The following PCDH7 variants were observed in gnomAD, a reference collection of about 807,000 sequenced individuals.
PCDH7 encodes the protein protocadherin 7.
Under a neutral mutation model 58.9 loss-of-function variants are expected in PCDH7, and 17 were observed. The ratio of observed to expected loss-of-function variants is 0.29; its 90% CI spans 0.20 to 0.43. The LOEUF is 0.43. Ranked by LOEUF, PCDH7 falls within the 20% of genes least tolerant of loss-of-function variation. The probability of loss-of-function intolerance (pLI) is 1.00; values close to 1 mark genes in which losing one functional copy is unlikely to be tolerated. For synonymous variants in PCDH7, 664 were observed against 616.4 expected (o/e 1.08, Z -1.14); for missense variants, 1,274 against 1,441.0 (o/e 0.88, Z 1.88).
intron 1 of PCDH7, among the ~76,000 whole-genome samples, chr4:30,852,169 C>T (rs1483944121): frequency 6.6e-6 from 1 of 151,872 alleles, no homozygotes; most frequent in Non-Finnish European, 1.5e-5. Context: ...TGTTTTTGTA[C>T]CATTTTAATG....
At chr4:31,027,249 A>G (rs949470143) in intron 3 of PCDH7, among the ~76,000 whole-genome samples, 7 of 152,056 alleles carry the variant, frequency 4.6e-5, no homozygotes, top group Non-Finnish European at 7.4e-5. Context: ...CTCATCACAA[A>G]TAGGCATTAT....
chr4:30,767,325 T>C (rs1419574965), intron 1 of PCDH7, among the ~76,000 whole-genome samples: 1 of 152,188 alleles, frequency 6.6e-6, no homozygotes, highest in Non-Finnish European at 1.5e-5. Flanking sequence ...TATGATCTAA[T>C]CGGAACTCAA....
intron 1 of PCDH7, among the ~76,000 whole-genome samples, chr4:30,764,651 T>G (rs1469161583): frequency 6.6e-6 from 1 of 152,190 alleles, no homozygotes. Flanking sequence ...GTATATGAGA[T>G]GAAGACCTAA....
Position 30,863,420 on chromosome 4 carries a change from C to G in PCDH7, c.71-56733C>G, listed in dbSNP as rs555650617. Among the ~76,000 whole-genome samples, 15 of 152,062 alleles carry G rather than the reference C, an allele frequency of 9.9e-5. No individual in the cohort carries two copies. The South Asian group carries it at 2.1e-3, about 21-fold the overall frequency. On this transcript the variant is annotated intron_variant, in intron 1 of 3. Transcript: ENST00000509759. Reference sequence around the variant, plus strand: ...TAGTGGGTGGAGGGTATGGATTCTGCTAAGCATTCTACAACACAGAAGCTA... The same window carrying G: ...TAGTGGGTGGAGGGTATGGATTCTGGTAAGCATTCTACAACACAGAAGCTA...
rs560019897 is a variant in PCDH7, at chr4:30,800,408, A to G, written c.70+75812A>G. ...TATTTATTTGAAAATGTATTTTTTC[A>G]ATTTGAAGTATCACCAGAGAGCTAT... On this transcript the variant is annotated intron_variant, in intron 1 of 3. Coordinates refer to the PCDH7 transcript ENST00000509759. Among the ~76,000 whole-genome samples the G allele has an allele frequency of 1.9e-3, 293 of 152,136 alleles. 1 individual carries two copies. The highest frequency in any genetic ancestry group is 6.8e-3 in the African/African-American group (281 of 41,496).
At chr4:30,795,764 A>G (rs1479059606) in intron 1 of PCDH7, among the ~76,000 whole-genome samples, 1 of 152,210 alleles carries the variant, frequency 6.6e-6, no homozygotes, top group Non-Finnish European at 1.5e-5. Flanking sequence ...CAAGACTTTG[A>G]AAAGTATGTT....
intron 3 of PCDH7, among the ~76,000 whole-genome samples, chr4:30,972,153 T>C (rs1019753212): frequency 6.6e-6 from 1 of 152,138 alleles, no homozygotes; most frequent in African/African-American, 2.4e-5. Context: ...ACTAAAATAA[T>C]TCCCTCTTTA....
chr4:30,737,577 C>T (rs113625309), downstream of PCDH7, among the ~76,000 whole-genome samples: 19 of 152,180 alleles, frequency 1.2e-4, 1 homozygote, highest in African/African-American at 3.9e-4. Flanking sequence ...ACACTTATCA[C>T]TTGTTTGATC....
chr4:30,867,458 G>A (rs916147436), intron 1 of PCDH7, among the ~76,000 whole-genome samples: 6 of 152,078 alleles, frequency 3.9e-5, no homozygotes, highest in South Asian at 4.1e-4. Flanking sequence ...TGTTCAGCAA[G>A]GAAGAATGAA....
chr4:30,980,554 G>T (rs758226875), intron 3 of PCDH7, among the ~76,000 whole-genome samples: 6 of 152,014 alleles, frequency 3.9e-5, no homozygotes, highest in Non-Finnish European at 8.8e-5. Flanking sequence ...TGTTCATGTT[G>T]TATTTTCTCC....
In PCDH7 at chr4:30,827,027, T is replaced by C. The variant is rs532618950; in HGVS notation, c.71-93126T>C. Among the ~76,000 whole-genome samples, 61 of 152,288 alleles carry C rather than the reference T, an allele frequency of 4.0e-4. 1 individual carries two copies. The highest frequency in any genetic ancestry group is 9.8e-4 in the Admixed American group (15 of 15,286). ...TCCTGCCTTTTGCAGTCAATGTGTATATAAACAATGAGGATACATTTTCAC... is the reference window on the plus strand; with the variant it reads ...TCCTGCCTTTTGCAGTCAATGTGTACATAAACAATGAGGATACATTTTCAC... On this transcript the variant is annotated intron_variant, in intron 1 of 3. Transcript: ENST00000509759.
intron 2 of PCDH7, among the ~76,000 whole-genome samples, chr4:30,926,167 G>C (rs951549717): frequency 1.4e-5 from 2 of 146,348 alleles, no homozygotes; most frequent in African/African-American, 5.1e-5. Context: ...ATAAATAGTT[G>C]GGATTATTAT....
rs141191946 is a variant in PCDH7 at position 31,132,615 on chromosome 4, T to C, written c.*8-9858T>C. On this transcript the variant is annotated intron_variant, in intron 3 of 3. Transcript: ENST00000509759. ...ACCATTAAAATGAAGTGGCTCTAAA[T>C]TGATACTTACAACTGTTTTAGTACC... Among the ~76,000 whole-genome samples the C allele has an allele frequency of 3.3e-5, 5 of 152,310 alleles. No individual in the cohort carries two copies. In the East Asian group the frequency reaches 9.7e-4, roughly 29 times the overall value.
chr4:30,721,313 T>C lies in PCDH7; in HGVS notation c.-110T>C. 8.9e-7 allele frequency: 1 copy of C among 1,126,618 alleles called. No individual in the cohort carries two copies. Among genetic ancestry groups the C allele is most frequent in the Non-Finnish European group, 1.2e-6 (1 of 827,552 alleles). 69.8% of individuals were successfully genotyped at this position (1,126,618 alleles called of 1,614,324 possible). A position where few individuals can be genotyped will look rare whatever the true frequency, so the allele number is the denominator to read the frequency against. On this transcript the variant is annotated 5_prime_UTR_variant, in exon 1 of 2. Coordinates refer to ENST00000361762, the Ensembl canonical transcript of PCDH7. The surrounding 1 kb of genome is among the most constrained non-coding windows in gnomAD (Gnocchi z 6.7). ...CCTCCCCTCCCTCTCGCTCCTTCCT[T>C]TCCGGGAGAGGGGAGAGGACTCGGG...
chr4:31,138,051 T>C (rs1048662320), intron 3 of PCDH7, among the ~76,000 whole-genome samples: 1 of 152,138 alleles, frequency 6.6e-6, no homozygotes, highest in African/African-American at 2.4e-5. Context: ...TCTCCTATAA[T>C]AATTTTGTCT....
intron 1 of PCDH7, among the ~76,000 whole-genome samples, chr4:30,826,620 A>G (rs1452416869): frequency 6.6e-6 from 1 of 152,040 alleles, no homozygotes; most frequent in Non-Finnish European, 1.5e-5. Context: ...AAGTCTAGAG[A>G]TTTTCAAACT....
At chr4:30,875,342 G>A (rs1456534759) in intron 1 of PCDH7, among the ~76,000 whole-genome samples, 1 of 151,936 alleles carries the variant, frequency 6.6e-6, no homozygotes, top group East Asian at 1.9e-4. Context: ...ACTTTACATT[G>A]ATTACCTCTG....
At chr4:30,923,685 A>T (rs1743472512) in intron 2 of PCDH7, among the ~76,000 whole-genome samples, 4 of 152,158 alleles carry the variant, frequency 2.6e-5, no homozygotes, top group South Asian at 4.1e-4. Flanking sequence ...AAATTACCCC[A>T]TTTAAAAAAT....
intron 3 of PCDH7, among the ~76,000 whole-genome samples, chr4:30,962,805 A>C (rs1013499887): frequency 4.9e-5 from 7 of 141,700 alleles, no homozygotes; most frequent in African/African-American, 1.3e-4. Context: ...AAAAAAAAAA[A>C]CAGTGGTAAT....
Sources: gnomAD v4.1 joint callset for allele counts (sites outside exome capture counted in the v4.1 genomes callset) on GRCh38, gnomAD v4.1.1 for gene constraint, Gnocchi (gnomAD v3.1) non-coding constraint, MANE v1.5 for transcripts, NCBI Gene and HGNC (gene_info 2026-07-23, HGNC 2026-07-21) for gene names.